The following PPARG variants were observed in gnomAD, a reference collection of about 807,000 sequenced individuals.
PPARG encodes peroxisome proliferator-activated receptor gamma.
In PPARG, 17 loss-of-function variants were observed where a neutral mutation model predicts 39.2. The ratio of observed to expected loss-of-function variants is 0.43; its 90% CI spans 0.30 to 0.65. The LOEUF is 0.65. PPARG is among the 30% of genes least tolerant of loss of function. The probability of loss-of-function intolerance (pLI) is 0.13; values close to 1 mark genes in which losing one functional copy is unlikely to be tolerated. For missense variants in PPARG, 406 were observed against 585.9 expected (o/e 0.69, Z 3.17); for synonymous variants, 223 against 215.7 (o/e 1.03, Z -0.30).
intron 2 of PPARG, among the ~76,000 whole-genome samples, chr3:12,355,999 C>G (rs1223747639): frequency 6.6e-6 from 1 of 152,160 alleles, no homozygotes; most frequent in South Asian, 2.1e-4. Context: ...TTCCTTGAGA[C>G]AGAGGAAATC....
chr3:12,403,277 A>C (rs1226925551), intron 5 of PPARG, among the ~76,000 whole-genome samples: 1 of 139,614 alleles, frequency 7.2e-6, no homozygotes, highest in African/African-American at 2.7e-5. Flanking sequence ...TGGGTGACAG[A>C]ACGAGACCCT....
chr3:12,316,543 A>G (rs1459030256), intron 2 of PPARG, among the ~76,000 whole-genome samples: 1 of 152,126 alleles, frequency 6.6e-6, no homozygotes, highest in Admixed American at 6.5e-5. Context: ...ACTTAATGCC[A>G]TTGAATGCAC....
At position 12,345,686 on chromosome 3, in the gene PPARG, TAAGTTTCGTG is replaced by T. The variant is rs926189605; in HGVS notation, c.-9+33235_-9+33244del. 3.3e-4 allele frequency among the ~76,000 whole-genome samples: 51 copies of T among 152,302 alleles called. 1 individual carries two copies. Among genetic ancestry groups the T allele is most frequent in the African/African-American group, 1.2e-3 (49 of 41,556 alleles). ...TGGAATATGCTAATCTCCCTCCTAT[TAAGTTTCGTG>T]AGCCCGTGATTTCAACAGTACGTAA... is the stretch of plus-strand genomic sequence containing the variant. On this transcript the variant is annotated intron_variant, in intron 2 of 7. Coordinates refer to ENST00000651735, the MANE Select transcript of PPARG (RefSeq NM_138711.6).
At chr3:12,339,222 G>C (rs1261272584) in intron 2 of PPARG, among the ~76,000 whole-genome samples, 1 of 152,172 alleles carries the variant, frequency 6.6e-6, no homozygotes, top group Admixed American at 6.5e-5. Context: ...TATATCATAT[G>C]ATTCCATTTA....
intron 4 of PPARG, among the ~76,000 whole-genome samples, chr3:12,383,566 G>A (rs1187303205): frequency 6.6e-6 from 1 of 151,964 alleles, no homozygotes; most frequent in African/African-American, 2.4e-5. Flanking sequence ...TTTTGGTCAT[G>A]TTGATAATTT....
At chr3:12,417,877 CTT>C (rs1248011965) in intron 7 of PPARG, among the ~76,000 whole-genome samples, 2 of 64,652 alleles carry the variant, frequency 3.1e-5, no homozygotes, top group African/African-American at 4.7e-5. Context: ...TGACTTTTTT[CTT>C]TTTTTTTTCT....
At position 12,416,917 on chromosome 3, in the gene PPARG, C is replaced by G; in HGVS notation, c.943C>G (p.Leu315Val). ...TCTTGACTTGAACGACCAAGTAACTCTCCTCAAATATGGAGTCCACGAGAT... is the reference window on the plus strand; with the variant it reads ...TCTTGACTTGAACGACCAAGTAACTGTCCTCAAATATGGAGTCCACGAGAT... ...VNLDLNDQVT[L>V]LKYGVHEIIY... is the part of the protein sequence containing the mutation. The change falls in exon 7 of 8, where the codon CTC (leucine) becomes GTC (valine). Residue 315 changes from leucine (L) to valine (V), a missense_variant. Around this residue, in one of 2 missense-constraint regions of PPARG, gnomAD observed 275 missense variants for 458.0 expected, o/e 0.60. Transcript: ENST00000651735. The G allele has an allele frequency of 6.2e-7, 1 of 1,614,066 alleles. No individual in the cohort carries two copies. Among genetic ancestry groups the G allele is most frequent in the Non-Finnish European group, 8.5e-7 (1 of 1,179,992 alleles).
chr3:12,393,253 C>G (rs1575106948), intron 5 of PPARG, among the ~76,000 whole-genome samples: 3 of 132,980 alleles, frequency 2.3e-5, no homozygotes, highest in South Asian at 4.9e-4. Flanking sequence ...GTTTCCTTCA[C>G]TTCAAGGAAC....
chr3:12,415,023 A>G (rs75477656), intron 6 of PPARG, among the ~76,000 whole-genome samples: 1 of 152,346 alleles, frequency 6.6e-6, no homozygotes, highest in East Asian at 1.9e-4. Flanking sequence ...GATGAAAATC[A>G]TAGAGTTCCA....
In PPARG at chr3:12,402,767, C is replaced by T. The variant is rs950513978; in HGVS notation, c.530-3115C>T. ...GATAGGCTCTGCCTCCCCTACCCTC[C>T]GCACTCCTCAATTAGGAACTACTGG... On this transcript the variant is annotated intron_variant, in intron 5 of 7. Coordinates refer to ENST00000651735, the MANE Select transcript of PPARG (RefSeq NM_138711.6). Among the ~76,000 whole-genome samples, 8 of 152,252 alleles carry T rather than the reference C, an allele frequency of 5.3e-5. No individual in the cohort carries two copies. The East Asian group carries it at 7.7e-4, about 15-fold the overall frequency.
At chr3:12,339,541 A>G (rs1334598874) in intron 2 of PPARG, among the ~76,000 whole-genome samples, 2 of 152,222 alleles carry the variant, frequency 1.3e-5, no homozygotes, top group African/African-American at 2.4e-5. Context: ...TAGGTATCAG[A>G]TATTTTCGCC....
At chr3:12,309,181 A>G (rs10212597) in intron 1 of PPARG, among the ~76,000 whole-genome samples, 3,175 of 152,336 alleles carry the variant, frequency 0.021, 105 homozygotes, top group African/African-American at 0.073. Context: ...TGTATTTCAC[A>G]ATTAAGATGA....
intron 2 of PPARG, among the ~76,000 whole-genome samples, chr3:12,314,001 G>C (rs1421600845): frequency 2.0e-5 from 3 of 152,178 alleles, no homozygotes; most frequent in African/African-American, 4.8e-5. Context: ...GGTGGGCCAG[G>C]CATGGTGGCT....
chr3:12,340,705 C>T (rs1277820476), intron 2 of PPARG, among the ~76,000 whole-genome samples: 1 of 152,110 alleles, frequency 6.6e-6, no homozygotes, highest in Non-Finnish European at 1.5e-5. Context: ...GACTCTTTTC[C>T]TAAAGCTATG....
At chr3:12,417,888 CTT>C (rs1240237792) in intron 7 of PPARG, among the ~76,000 whole-genome samples, 5 of 64,062 alleles carry the variant, frequency 7.8e-5, no homozygotes, top group East Asian at 5.8e-4. Context: ...TTTTTTTTTT[CTT>C]TTTTTTTTTT....
chr3:12,322,412 G>C (rs762842637), intron 2 of PPARG, among the ~76,000 whole-genome samples: 5 of 152,176 alleles, frequency 3.3e-5, no homozygotes, highest in Non-Finnish European at 5.9e-5. Flanking sequence ...CTTGCTCATG[G>C]TCTTGTTTCA....
rs747521163 is a variant in PPARG, at chr3:12,433,890, T to G, written c.1181-8T>G. The stretch of plus-strand genomic sequence containing the variant: ...CCCCTGTTGTGTTTTCCATATGTGC[T>G]TCCCCAGACCGCCCAGGTTTGCTGA... On this transcript the variant is annotated splice_polypyrimidine_tract_variant and splice_region_variant and intron_variant, in intron 7 of 7. Transcript: ENST00000651735. The G allele has an allele frequency of 6.2e-7, 1 of 1,614,054 alleles. No individual in the cohort carries two copies. The highest frequency in any genetic ancestry group is 8.5e-7 in the Non-Finnish European group (1 of 1,180,038).
At chr3:12,414,365 C>G (rs1328597320) in intron 6 of PPARG, among the ~76,000 whole-genome samples, 1 of 152,140 alleles carries the variant, frequency 6.6e-6, no homozygotes, top group South Asian at 2.1e-4. Context: ...GTAATCCTAG[C>G]ACGCACTTAG....
chr3:12,301,488 C>T (rs1365923785), intron 1 of PPARG: 14 of 152,144 alleles, frequency 9.2e-5, no homozygotes, highest in Non-Finnish European at 1.9e-4. Flanking sequence ...GTATTATCAT[C>T]ACAATTATTT....
Sources: gnomAD v4.1 joint callset for allele counts (sites outside exome capture counted in the v4.1 genomes callset) on GRCh38, gnomAD v4.1.1 for gene constraint, gnomAD v4.1.1 regional missense constraint, MANE v1.5 for transcripts, NCBI Gene and HGNC (gene_info 2026-07-23, HGNC 2026-07-21) for gene names.